Variants in OGDH observed in about 807,000 individuals in gnomAD.
The protein encoded by OGDH is oxoglutarate dehydrogenase.
In OGDH, 38 loss-of-function variants were observed where a neutral mutation model predicts 116.6. The ratio of observed to expected loss-of-function variants is 0.33; its 90% confidence interval spans 0.25 to 0.43. The LOEUF (loss-of-function observed/expected upper bound fraction) is 0.43, where lower values mean the gene tolerates loss of function less well. OGDH is among the 20% of genes least tolerant of loss of function. The probability of loss-of-function intolerance (pLI) is 1.00; values close to 1 mark genes in which losing one functional copy is unlikely to be tolerated. For missense variants in OGDH, 825 were observed against 1,357.2 expected, an observed-to-expected ratio of 0.61 and a Z score of 6.16; for synonymous variants, 488 against 533.3, an observed-to-expected ratio of 0.92 and a Z score of 1.17.
chr7:44,708,042 A>G lies in OGDH; in HGVS notation c.*43A>G, dbSNP rs763914811. 1 of 1,592,482 alleles carries G rather than the reference A, an allele frequency of 6.3e-7. No individual in the cohort carries two copies. The highest frequency in any genetic ancestry group is 2.2e-5 in the East Asian group (1 of 44,744). ...TTGGGCCACTGCCCTCTCCACACCC[A>G]TGACTGCCCCTTGCTTCTCAACTAA... On this transcript the variant is annotated 3_prime_UTR_variant, in exon 23 of 23. Transcript: ENST00000222673.
At chr7:44,690,532 C>T (rs1031596744) in intron 10 of OGDH, among the ~76,000 whole-genome samples, 1 of 152,176 alleles carries the variant, frequency 6.6e-6, no homozygotes, top group African/African-American at 2.4e-5. Flanking sequence ...GAAAAAAGTA[C>T]AGCGTATATT....
At chr7:44,676,582 AT>A in intron 9 of OGDH, 1 of 225,306 alleles carries the variant, frequency 4.4e-6, no homozygotes. Context: ...TAAATAAAAA[AT>A]ATATGTATAT....
chr7:44,680,081 A>G (rs961720181), intron 9 of OGDH, among the ~76,000 whole-genome samples: 1 of 152,144 alleles, frequency 6.6e-6, no homozygotes, highest in African/African-American at 2.4e-5. Flanking sequence ...GCATGGTGGC[A>G]TGTACTTGTA....
intron 1 of OGDH, among the ~76,000 whole-genome samples, chr7:44,608,324 C>T (rs1158924207): frequency 1.3e-5 from 2 of 152,092 alleles, no homozygotes; most frequent in African/African-American, 2.4e-5. Flanking sequence ...GGGAGGATGG[C>T]ATGAGCCAGG....
At chr7:44,692,102 G>A (rs1788390373) in intron 10 of OGDH, among the ~76,000 whole-genome samples, 1 of 151,892 alleles carries the variant, frequency 6.6e-6, no homozygotes, top group Admixed American at 6.6e-5. Flanking sequence ...AGCTACTCAG[G>A]AGAGCATTTA....
chr7:44,642,921 C>CAA (rs1379033066), intron 2 of OGDH, among the ~76,000 whole-genome samples: 1,395 of 137,584 alleles, frequency 0.01, 22 homozygotes, highest in African/African-American at 0.034. Flanking sequence ...GACTCTGTCT[C>CAA]AAAAAAAAAA....
chr7:44,682,168 G>C (rs1787954914), intron 10 of OGDH, among the ~76,000 whole-genome samples: 1 of 152,022 alleles, frequency 6.6e-6, no homozygotes, highest in South Asian at 2.1e-4. Context: ...GCCGAGGCAG[G>C]TGGATCACCT....
At chr7:44,619,711 G>A (rs78105463) in intron 1 of OGDH, among the ~76,000 whole-genome samples, 18,746 of 151,944 alleles carry the variant, frequency 0.12, 2,255 homozygotes, top group East Asian at 0.44. Flanking sequence ...CAACAATAAT[G>A]CTGCTATGAG....
intron 1 of OGDH, among the ~76,000 whole-genome samples, chr7:44,618,060 T>G (rs952378805): frequency 1.3e-5 from 2 of 152,228 alleles, no homozygotes; most frequent in Non-Finnish European, 2.9e-5. Context: ...GCAGGGCGTT[T>G]AACACCTAAA....
At chr7:44,624,692 C>G in intron 2 of OGDH, 127 bp downstream of exon 2, 1 of 780,532 alleles carries the variant, frequency 1.3e-6, no homozygotes, top group Admixed American at 2.0e-5. Flanking sequence ...GCCATACCAA[C>G]CACCGTATCT....
chr7:44,623,051 C>G (rs934938626), intron 1 of OGDH, among the ~76,000 whole-genome samples: 1 of 152,054 alleles, frequency 6.6e-6, no homozygotes, highest in African/African-American at 2.4e-5. Flanking sequence ...CTTTGCAGAC[C>G]CCACCCACGT....
chr7:44,621,248 A>G (rs751404371), intron 1 of OGDH, among the ~76,000 whole-genome samples: 1 of 152,002 alleles, frequency 6.6e-6, no homozygotes, highest in Non-Finnish European at 1.5e-5. Flanking sequence ...TAGCTTTTAA[A>G]TTTTTTGTGG....
In OGDH at chr7:44,660,346, A is replaced by G. The variant is rs566185569; in HGVS notation, c.518-6390A>G. On this transcript the variant is annotated intron_variant, in intron 4 of 22. Coordinates refer to ENST00000222673, the MANE Select transcript of OGDH (RefSeq NM_002541.4). The stretch of plus-strand genomic sequence containing the variant: ...CACTGTATTGCCCGGGCTGGTCATT[A>G]TTGTATTCTTTGTATACCCCTTGAT... Among the ~76,000 whole-genome samples the G allele has an allele frequency of 4.1e-4, 63 of 152,118 alleles. 1 individual carries two copies. The South Asian group carries it at 0.013, about 31-fold the overall frequency.
At chr7:44,692,099 CAGG>C (rs1298022907) in intron 10 of OGDH, among the ~76,000 whole-genome samples, 2 of 151,590 alleles carry the variant, frequency 1.3e-5, no homozygotes, top group Admixed American at 1.3e-4. Flanking sequence ...AACAGCTACT[CAGG>C]AGAGCATTTA....
intron 1 of OGDH, among the ~76,000 whole-genome samples, chr7:44,620,376 TGTG>T (rs1487564273): frequency 2.0e-5 from 3 of 152,266 alleles, no homozygotes; most frequent in Non-Finnish European, 2.9e-5. Flanking sequence ...TGTTTATACT[TGTG>T]GTGTCATAAC....
At chr7:44,637,412 A>C (rs1785718347) in intron 2 of OGDH, among the ~76,000 whole-genome samples, 2 of 152,246 alleles carry the variant, frequency 1.3e-5, no homozygotes, top group Admixed American at 1.3e-4. Flanking sequence ...TAAGAGTAAG[A>C]AGCTCATTTT....
At chr7:44,666,094 A>G (rs1048095659) in intron 4 of OGDH, among the ~76,000 whole-genome samples, 43 of 152,170 alleles carry the variant, frequency 2.8e-4, no homozygotes, top group African/African-American at 1.0e-3. Flanking sequence ...CTCAGAACGC[A>G]TAGTTCAGGA....
chr7:44,689,657 A>G (rs1025584365), intron 10 of OGDH, among the ~76,000 whole-genome samples: 4 of 151,938 alleles, frequency 2.6e-5, no homozygotes, highest in African/African-American at 4.8e-5. Context: ...TTCCCTAATG[A>G]CTAATGATGT....
chr7:44,673,169 C>A (rs952598014), intron 5 of OGDH, among the ~76,000 whole-genome samples: 1 of 152,058 alleles, frequency 6.6e-6, no homozygotes, highest in East Asian at 1.9e-4. Flanking sequence ...AGTTCAAGAC[C>A]AGCCTGGGTA....
Sources: allele counts gnomAD v4.1 joint callset (sites outside exome capture counted in the v4.1 genomes callset), GRCh38; gene constraint gnomAD v4.1.1; transcripts MANE v1.5; gene names NCBI Gene and HGNC (gene_info 2026-07-23, HGNC 2026-07-21).